FSTL5: variants seen among roughly 807,000 people sequenced by gnomAD.
The protein encoded by FSTL5 is follistatin like 5.
In FSTL5, 62 loss-of-function variants were observed where a neutral mutation model predicts 89.1. The observed-to-expected ratio is 0.70, with a 90% CI of 0.57 to 0.86. The LOEUF is 0.86. Among genes scored for constraint, FSTL5 ranks in the 40% least tolerant of loss-of-function variants. The pLI, the probability that FSTL5 is intolerant of heterozygous loss-of-function variation, is 0.00. For missense variants in FSTL5, 1,057 were observed against 1,001.6 expected, an observed-to-expected ratio of 1.06 and a Z score of -0.75; for synonymous variants, 383 against 346.2, an observed-to-expected ratio of 1.11 and a Z score of -1.18.
chr4:161,591,406 G>C (rs554669757), intron 7 of FSTL5, among the ~76,000 whole-genome samples: 1 of 152,238 alleles, frequency 6.6e-6, no homozygotes, highest in East Asian at 1.9e-4. Context: ...GCACAATTTT[G>C]CTAATATACT....
intron 4 of FSTL5, among the ~76,000 whole-genome samples, chr4:161,889,495 T>A (rs1269306647): frequency 6.6e-6 from 1 of 151,952 alleles, no homozygotes; most frequent in African/African-American, 2.4e-5. Context: ...AACACAAAAA[T>A]TTGCTAGGTG....
chr4:161,984,685 CA>C (rs1356039190), intron 3 of FSTL5, among the ~76,000 whole-genome samples: 1 of 152,082 alleles, frequency 6.6e-6, no homozygotes, highest in Admixed American at 6.6e-5. Flanking sequence ...CTTTAGCTTA[CA>C]AATCATCAGT....
chr4:162,128,253 T>C (rs1732161296), intron 1 of FSTL5, among the ~76,000 whole-genome samples: 1 of 152,216 alleles, frequency 6.6e-6, no homozygotes, highest in East Asian at 1.9e-4. Flanking sequence ...TATAAAGTTT[T>C]CTAAAACCCA....
At chr4:162,086,283 T>C (rs1730313576) in intron 2 of FSTL5, among the ~76,000 whole-genome samples, 1 of 152,016 alleles carries the variant, frequency 6.6e-6, no homozygotes, top group Admixed American at 6.6e-5. Flanking sequence ...ATTGCATTTA[T>C]ATTCTCTCTC....
chr4:161,422,043 T>C (rs1732009149), intron 15 of FSTL5, among the ~76,000 whole-genome samples: 1 of 152,222 alleles, frequency 6.6e-6, no homozygotes, highest in African/African-American at 2.4e-5. Context: ...ATGTATATTA[T>C]ATACGGCATA....
intron 3 of FSTL5, among the ~76,000 whole-genome samples, chr4:161,994,239 C>T (rs1367091243): frequency 6.6e-6 from 1 of 152,152 alleles, no homozygotes; most frequent in Non-Finnish European, 1.5e-5. Flanking sequence ...TTTATGGCTG[C>T]ATAGTATTCC....
At chr4:162,130,838 A>G (rs1397319757) in intron 1 of FSTL5, among the ~76,000 whole-genome samples, 2 of 152,202 alleles carry the variant, frequency 1.3e-5, no homozygotes, top group African/African-American at 4.8e-5. Flanking sequence ...AGAGATTCTA[A>G]TTAATTACAA....
rs1553959078 is a variant in FSTL5 at position 161,695,424 on chromosome 4, C to CACGTGTGTGTGTGTGTGTGT, written c.728-38931_728-38930insACACACACACACACACACGT. ...TGGCTGAGTAGTATTCCATGGTGTA[C>CACGTGTGTGTGTGTGTGTGT]GTGTGTGTGTGTGTGTGTGTGTGTG... On this transcript the variant is annotated intron_variant, in intron 6 of 15. Coordinates refer to ENST00000306100, the MANE Select transcript of FSTL5 (RefSeq NM_020116.5). 2.2e-5 allele frequency among the ~76,000 whole-genome samples: 3 copies of CACGTGTGTGTGTGTGTGTGT among 134,248 alleles called. No homozygotes were observed. The Admixed American group carries it at 2.3e-4, about 10-fold the overall frequency. The allele number at this position is 134,248 out of a possible 152,430, so 88.1% of individuals were successfully genotyped here.
chr4:162,035,941 C>T (rs954516974), intron 2 of FSTL5, among the ~76,000 whole-genome samples: 1 of 152,030 alleles, frequency 6.6e-6, no homozygotes, highest in Admixed American at 6.6e-5. Flanking sequence ...GAGATATGTA[C>T]TTATTCCTTC....
chr4:161,900,309 A>G (rs1337630237), intron 4 of FSTL5, among the ~76,000 whole-genome samples: 5 of 152,214 alleles, frequency 3.3e-5, no homozygotes, highest in Admixed American at 1.3e-4. Context: ...TGAATGAAGC[A>G]TAAAGAGCAA....
intron 15 of FSTL5, among the ~76,000 whole-genome samples, chr4:161,453,223 T>G (rs1450423012): frequency 6.6e-6 from 1 of 152,200 alleles, no homozygotes; most frequent in Non-Finnish European, 1.5e-5. Flanking sequence ...ATTGTATTAA[T>G]AGTACATTTT....
intron 4 of FSTL5, among the ~76,000 whole-genome samples, chr4:161,815,647 GTCAGTAGTTATACAA>G: frequency 6.6e-6 from 1 of 152,156 alleles, no homozygotes; most frequent in East Asian, 1.9e-4. Context: ...CATAAGTTAA[GTCAGTAGTTATACAA>G]TCAGTACTAT....
At position 161,421,483 on chromosome 4, in the gene FSTL5, G is replaced by A. The variant is rs1272389247; in HGVS notation, c.1841+33521C>T. 2.0e-5 allele frequency among the ~76,000 whole-genome samples: 3 copies of A among 152,138 alleles called. No homozygotes were observed. In the South Asian group the frequency reaches 6.2e-4, roughly 31 times the overall value. On this transcript the variant is annotated intron_variant, in intron 15 of 15. Coordinates refer to ENST00000306100, the MANE Select transcript of FSTL5 (RefSeq NM_020116.5). ...GTTGTATCAGGTGAGCTGGAACTTT[G>A]TTATTGCCTTCATTTGGAGATTAGG...
chr4:161,950,220 C>A (rs892805313), intron 3 of FSTL5, among the ~76,000 whole-genome samples: 4 of 152,132 alleles, frequency 2.6e-5, no homozygotes, highest in African/African-American at 4.8e-5. Flanking sequence ...CAAAGAATTT[C>A]TTTTTGCTTT....
intron 2 of FSTL5, among the ~76,000 whole-genome samples, chr4:162,104,475 C>T (rs540189791): frequency 6.6e-6 from 1 of 152,266 alleles, no homozygotes; most frequent in East Asian, 1.9e-4. Flanking sequence ...ACTCCCCGAC[C>T]CCTGTAACAC....
chr4:162,077,541 T>G (rs1256233466), intron 2 of FSTL5, among the ~76,000 whole-genome samples: 4 of 151,818 alleles, frequency 2.6e-5, no homozygotes, highest in African/African-American at 9.7e-5. Flanking sequence ...GCATAGCCTG[T>G]GGGGAAAATA....
chr4:161,622,221 C>G (rs1735157197), intron 7 of FSTL5, among the ~76,000 whole-genome samples: 1 of 151,984 alleles, frequency 6.6e-6, no homozygotes, highest in Non-Finnish European at 1.5e-5. Flanking sequence ...AGCCTTTTAT[C>G]TCTTAAATAA....
At chr4:161,588,846 TCTGAAG>T (rs1481247320) in intron 7 of FSTL5, among the ~76,000 whole-genome samples, 14 of 152,072 alleles carry the variant, frequency 9.2e-5, no homozygotes, top group African/African-American at 3.4e-4. Flanking sequence ...AAAGAGCAGG[TCTGAAG>T]CTCCTCCAAG....
At chr4:161,689,340 C>G (rs1737847350) in intron 6 of FSTL5, among the ~76,000 whole-genome samples, 1 of 152,006 alleles carries the variant, frequency 6.6e-6, no homozygotes, top group Non-Finnish European at 1.5e-5. Flanking sequence ...TAATCCAGGA[C>G]AGTAGGCAAT....
Sources: gnomAD v4.1 joint callset for allele counts (sites outside exome capture counted in the v4.1 genomes callset) on GRCh38, gnomAD v4.1.1 for gene constraint, MANE v1.5 for transcripts, NCBI Gene and HGNC (gene_info 2026-07-23, HGNC 2026-07-21) for gene names.